Variants in PLCH1 observed in about 807,000 individuals in gnomAD.
PLCH1 encodes the protein phospholipase C eta 1.
In PLCH1, 60 loss-of-function variants were observed where a neutral mutation model predicts 126.7. The ratio of observed to expected loss-of-function variants is 0.47; its 90% confidence interval spans 0.38 to 0.59. PLCH1 has a LOEUF of 0.59. Among genes scored for constraint, PLCH1 ranks in the 20% least tolerant of loss-of-function variants. The probability of loss-of-function intolerance (pLI) is 0.00; values close to 1 mark genes in which losing one functional copy is unlikely to be tolerated. For missense variants in PLCH1, 1,723 were observed against 2,040.0 expected (o/e 0.84, Z 2.99); for synonymous variants, 719 against 734.9 (o/e 0.98, Z 0.35).
chr3:155,454,565 C>T (rs1007035476), intron 21 of PLCH1, among the ~76,000 whole-genome samples: 9 of 152,228 alleles, frequency 5.9e-5, no homozygotes, highest in Non-Finnish European at 1.2e-4. Flanking sequence ...GGAATGTTGA[C>T]TTGGCATGGG....
intron 13 of PLCH1, among the ~76,000 whole-genome samples, chr3:155,502,713 T>C (rs1486166886): frequency 1.3e-5 from 2 of 152,180 alleles, no homozygotes; most frequent in African/African-American, 2.4e-5. Context: ...TAGAATCTAC[T>C]TCTCATCTTA....
chr3:155,620,851 G>T (rs939049664), intron 2 of PLCH1, among the ~76,000 whole-genome samples: 1 of 150,986 alleles, frequency 6.6e-6, no homozygotes, highest in Non-Finnish European at 1.5e-5. Flanking sequence ...AGACTTAAAC[G>T]TCCCTACCTG....
chr3:155,469,108 G>A (rs1223988449), intron 21 of PLCH1, among the ~76,000 whole-genome samples: 1 of 152,198 alleles, frequency 6.6e-6, no homozygotes, highest in East Asian at 1.9e-4. Context: ...CCGGTCTACA[G>A]CTCCCAACGT....
intron 11 of PLCH1, among the ~76,000 whole-genome samples, 162 bp downstream of exon 11, chr3:155,523,735 C>T (rs1422919267): frequency 3.3e-5 from 5 of 152,194 alleles, no homozygotes; most frequent in Non-Finnish European, 5.9e-5. Flanking sequence ...ATTCAACAAA[C>T]ATTTGAATGT....
At chr3:155,723,853 C>T (rs1748125389) in intron 1 of PLCH1, among the ~76,000 whole-genome samples, 1 of 149,486 alleles carries the variant, frequency 6.7e-6, no homozygotes, top group Non-Finnish European at 1.5e-5. Context: ...ACTCAGGAGG[C>T]TGAGGCAGAA....
At chr3:155,631,328 C>A (rs541428408) in intron 2 of PLCH1, among the ~76,000 whole-genome samples, 1 of 121,552 alleles carries the variant, frequency 8.2e-6, no homozygotes, top group South Asian at 3.2e-4. Flanking sequence ...AGGATCATTG[C>A]CAAGTTTAAG....
chr3:155,523,999 CT>C lies in PLCH1; in HGVS notation c.1367del (p.Lys456ArgfsTer48). 6.4e-7 allele frequency: 1 copy of C among 1,567,768 alleles called. No individual in the cohort carries two copies. The highest frequency in any genetic ancestry group is 8.8e-7 in the Non-Finnish European group (1 of 1,140,530). ...CATCCCCAAGGTGATAAGGCAACTT[CT>C]TACCCTGAAATGGAACAAAACATCC... The part of the protein sequence containing the change: ...SLKGKILVKG[K>X]KLPYHLGDDA... On this transcript the variant is annotated frameshift_variant, in exon 11 of 23. Coordinates refer to ENST00000460012, the MANE Select transcript of PLCH1 (RefSeq NM_014996.4). LOFTEE classifies it high-confidence loss of function.
At chr3:155,486,643 G>A (rs1377329636) in intron 21 of PLCH1, among the ~76,000 whole-genome samples, 1 of 150,140 alleles carries the variant, frequency 6.7e-6, no homozygotes, top group African/African-American at 2.5e-5. Flanking sequence ...TCCTGCCTCA[G>A]CCTCCCGAGT....
chr3:155,539,326 T>C (rs935798836), intron 10 of PLCH1, among the ~76,000 whole-genome samples: 4 of 152,086 alleles, frequency 2.6e-5, no homozygotes, highest in African/African-American at 4.8e-5. Flanking sequence ...CTGAAAGCAT[T>C]CCCCCTGAGA....
At chr3:155,631,902 CTTT>C (rs60843505) in intron 2 of PLCH1, among the ~76,000 whole-genome samples, 31,524 of 140,780 alleles carry the variant, frequency 0.22, 3,593 homozygotes, top group East Asian at 0.43. Context: ...ACAAGAACTC[CTTT>C]TTTTTTTTTT....
chr3:155,481,117 C>T lies in PLCH1; in HGVS notation c.4909G>A (p.Gly1637Ser). The change falls in exon 23 of 23, where the codon GGT becomes AGT. Residue 1637 changes from glycine (G) to serine (S), a missense_variant. Coordinates refer to ENST00000460012, the MANE Select transcript of PLCH1 (RefSeq NM_014996.4). This position sits in a 1 kb window ranked among gnomAD's most constrained non-coding sequence, Gnocchi z 4.2. Reference sequence around the variant, plus strand: ...GGGATGCCCCGGCCTTCAAGGCCACCCCCTTTCGTGTTCTTCAGGTAGCCT... The same window carrying T: ...GGGATGCCCCGGCCTTCAAGGCCACTCCCTTTCGTGTTCTTCAGGTAGCCT... Reference protein sequence around the residue: ...IAGYLKNTKGGGLEGRGIPEG... With the variant: ...IAGYLKNTKGSGLEGRGIPEG... 6.2e-7 allele frequency: 1 copy of T among 1,614,190 alleles called. No homozygotes were observed. Among genetic ancestry groups the T allele is most frequent in the South Asian group, 1.1e-5 (1 of 91,092 alleles).
At chr3:155,650,484 T>A (rs1740592017) in intron 2 of PLCH1, among the ~76,000 whole-genome samples, 1 of 152,198 alleles carries the variant, frequency 6.6e-6, no homozygotes, top group African/African-American at 2.4e-5. Context: ...AAAGAAAATG[T>A]TACTTGGGAG....
At chr3:155,472,608 G>A (rs1025376357) in intron 21 of PLCH1, among the ~76,000 whole-genome samples, 28 of 151,710 alleles carry the variant, frequency 1.8e-4, no homozygotes, top group Middle Eastern at 3.4e-3. Flanking sequence ...TACCAAAGCC[G>A]GGCAGAGACA....
chr3:155,521,119 T>C (rs1402355019), intron 11 of PLCH1, among the ~76,000 whole-genome samples: 1 of 152,190 alleles, frequency 6.6e-6, no homozygotes, highest in East Asian at 1.9e-4. Context: ...AGGCCTTTCG[T>C]TGACATCCCA....
At chr3:155,534,117 C>G (rs1036295459) in intron 10 of PLCH1, among the ~76,000 whole-genome samples, 45 of 152,050 alleles carry the variant, frequency 3.0e-4, no homozygotes, top group Non-Finnish European at 6.0e-4. Context: ...TCCTCCAGAC[C>G]CCAGAATGAT....
rs1484789434 is a variant in PLCH1, at chr3:155,596,726, T to A, written c.80-348A>T. ...AAGTTCTCAGACATGATAAGTCTTGTGAGTTTTTATAGAACCAATTATAAA... is the reference window on the plus strand; with the variant it reads ...AAGTTCTCAGACATGATAAGTCTTGAGAGTTTTTATAGAACCAATTATAAA... On this transcript the variant is annotated intron_variant, in intron 2 of 22. Coordinates refer to ENST00000460012, the MANE Select transcript of PLCH1 (RefSeq NM_014996.4). Among the ~76,000 whole-genome samples the A allele has an allele frequency of 2.0e-5, 3 of 152,372 alleles. No individual in the cohort carries two copies. In the East Asian group the frequency reaches 5.8e-4, roughly 29 times the overall value.
intron 21 of PLCH1, among the ~76,000 whole-genome samples, chr3:155,474,042 A>G (rs1713407478): frequency 6.6e-6 from 1 of 152,148 alleles, no homozygotes; most frequent in Non-Finnish European, 1.5e-5. Flanking sequence ...TAAAACACCA[A>G]AAGCAGTGGC....
At chr3:155,685,318 A>G (rs1744854505) in intron 2 of PLCH1, among the ~76,000 whole-genome samples, 2 of 152,244 alleles carry the variant, frequency 1.3e-5, no homozygotes, top group Non-Finnish European at 2.9e-5. Flanking sequence ...GAGAAGATTA[A>G]GGTGGCAGCT....
At chr3:155,720,726 T>C (rs1747886837) in intron 1 of PLCH1, among the ~76,000 whole-genome samples, 1 of 152,240 alleles carries the variant, frequency 6.6e-6, no homozygotes, top group South Asian at 2.1e-4. Context: ...TTTAGTTTAA[T>C]TAAGTCCCAT....
Sources: allele counts gnomAD v4.1 joint callset (sites outside exome capture counted in the v4.1 genomes callset), GRCh38; gene constraint gnomAD v4.1.1; non-coding constraint Gnocchi (gnomAD v3.1); transcripts MANE v1.5; gene names NCBI Gene and HGNC (gene_info 2026-07-23, HGNC 2026-07-21).